The following RBFOX2 variants were observed in gnomAD, a reference collection of about 807,000 sequenced individuals.
RBFOX2 encodes the protein RNA binding protein fox-1 homolog 2.
Under a neutral mutation model 49.1 loss-of-function variants are expected in RBFOX2, and 10 were observed. The observed-to-expected ratio is 0.20, with a 90% confidence interval of 0.13 to 0.35. The LOEUF (loss-of-function observed/expected upper bound fraction) is 0.35. Among genes scored for constraint, RBFOX2 ranks in the 10% least tolerant of loss-of-function variants. RBFOX2 has a pLI of 1.00. For synonymous variants in RBFOX2, 183 were observed against 187.4 expected (o/e 0.98, Z 0.19); for missense variants, 323 against 486.9 (o/e 0.66, Z 3.17).
intron 2 of RBFOX2, among the ~76,000 whole-genome samples, chr22:35,801,604 C>T (rs752629717): frequency 2.0e-5 from 3 of 152,106 alleles, no homozygotes; most frequent in Non-Finnish European, 4.4e-5. Context: ...GTGGGTGGAT[C>T]ACTTGAGGTC....
intron 1 of RBFOX2, among the ~76,000 whole-genome samples, chr22:35,986,297 A>G (rs2057722937): frequency 6.6e-6 from 1 of 152,188 alleles, no homozygotes; most frequent in African/African-American, 2.4e-5. Flanking sequence ...TATGAACAGC[A>G]GGATGAGGAA....
At chr22:35,765,365 A>C in intron 6 of RBFOX2, 58 bp downstream of exon 7, 1 of 1,268,536 alleles carries the variant, frequency 7.9e-7, no homozygotes, top group South Asian at 1.4e-5. Context: ...AGAAGTTTAT[A>C]AAAACTTCAT....
At chr22:35,926,256 G>GGTA (rs1171693535) in intron 1 of RBFOX2, among the ~76,000 whole-genome samples, 1 of 152,140 alleles carries the variant, frequency 6.6e-6, no homozygotes, top group Non-Finnish European at 1.5e-5. Flanking sequence ...TCGATTGCTT[G>GGTA]GTAGTACTAA....
chr22:35,938,564 G>A (rs1270578683), intron 1 of RBFOX2, among the ~76,000 whole-genome samples: 3 of 152,074 alleles, frequency 2.0e-5, no homozygotes, highest in East Asian at 3.9e-4. Context: ...AAGAAAACCA[G>A]GTCAAAAAAT....
chr22:35,795,628 C>CAAAAA (rs139555281), intron 2 of RBFOX2, among the ~76,000 whole-genome samples: 5 of 33,570 alleles, frequency 1.5e-4, no homozygotes, highest in African/African-American at 1.1e-4. Context: ...TGTAGAAAAG[C>CAAAAA]AAAAAAAAAA....
At chr22:35,880,084 A>C (rs956166950) in intron 1 of RBFOX2, among the ~76,000 whole-genome samples, 1 of 152,052 alleles carries the variant, frequency 6.6e-6, no homozygotes, top group Non-Finnish European at 1.5e-5. Flanking sequence ...TGAACCTGAG[A>C]GGCGGAGGTT....
intron 1 of RBFOX2, among the ~76,000 whole-genome samples, chr22:35,831,735 C>A (rs1224262854): frequency 6.6e-6 from 1 of 152,212 alleles, no homozygotes; most frequent in Non-Finnish European, 1.5e-5. Flanking sequence ...ATCTCCTTCA[C>A]TTAAGTCCCA....
At chr22:35,992,888 C>G (rs978927753) in intron 1 of RBFOX2, 28 of 152,112 alleles carry the variant, frequency 1.8e-4, no homozygotes, top group African/African-American at 6.5e-4. Flanking sequence ...AAATGAACTC[C>G]CCTCCCTTTC....
intron 1 of RBFOX2, among the ~76,000 whole-genome samples, chr22:35,885,176 T>C (rs1603436113): frequency 6.6e-6 from 1 of 152,112 alleles, no homozygotes; most frequent in Non-Finnish European, 1.5e-5. Context: ...TACTTAAATA[T>C]AGCAGAGGAG....
At chr22:35,756,397 T>TA (rs998748146) in intron 9 of RBFOX2, among the ~76,000 whole-genome samples, 5 of 152,112 alleles carry the variant, frequency 3.3e-5, no homozygotes, top group African/African-American at 1.2e-4. Flanking sequence ...ATTTGGTAAT[T>TA]AAAGTAGGAT....
intron 4 of RBFOX2, among the ~76,000 whole-genome samples, chr22:35,773,573 A>G (rs2146849720): frequency 6.6e-6 from 1 of 152,072 alleles, no homozygotes; most frequent in South Asian, 2.1e-4. Context: ...TTTAAAAAAG[A>G]AAAAAAATTG....
chr22:35,786,542 C>A (rs1946431852), intron 2 of RBFOX2, among the ~76,000 whole-genome samples: 1 of 152,192 alleles, frequency 6.6e-6, no homozygotes, highest in South Asian at 2.1e-4. Context: ...CCTGGGGGGC[C>A]CCCACCAGTC....
intron 8 of RBFOX2, 136 bp downstream of exon 9, chr22:35,761,066 C>T: frequency 1.4e-6 from 1 of 712,774 alleles, no homozygotes; most frequent in East Asian, 2.7e-5. Context: ...CAGGACAGGG[C>T]ACTGGGATAG....
chr22:35,966,671 T>G (rs1031713293), intron 1 of RBFOX2, among the ~76,000 whole-genome samples: 1 of 152,226 alleles, frequency 6.6e-6, no homozygotes, highest in African/African-American at 2.4e-5. Flanking sequence ...ACTGGGTTGT[T>G]CAAAAGATTC....
At chr22:35,864,645 C>G (rs941382259) in intron 1 of RBFOX2, among the ~76,000 whole-genome samples, 2 of 152,148 alleles carry the variant, frequency 1.3e-5, no homozygotes, top group Non-Finnish European at 2.9e-5. Context: ...GACAATTATC[C>G]TTTGAGAAAT....
intron 9 of RBFOX2, among the ~76,000 whole-genome samples, chr22:35,758,525 T>A (rs532926330): frequency 6.6e-6 from 1 of 152,338 alleles, no homozygotes; most frequent in African/African-American, 2.4e-5. Flanking sequence ...TTCATTTGAG[T>A]ATTTCTTGAT....
At chr22:35,910,591 T>C (rs2049699307) in intron 1 of RBFOX2, among the ~76,000 whole-genome samples, 1 of 152,236 alleles carries the variant, frequency 6.6e-6, no homozygotes, top group Non-Finnish European at 1.5e-5. Context: ...TCCATTTCTA[T>C]ACCTTTCTGT....
chr22:35,755,013 A>G (rs886747336), intron 9 of RBFOX2, among the ~76,000 whole-genome samples: 1 of 152,086 alleles, frequency 6.6e-6, no homozygotes, highest in Non-Finnish European at 1.5e-5. Context: ...AAAACGCAAA[A>G]CCTCTGAGTG....
chr22:35,876,464 A>G (rs1320297976), intron 1 of RBFOX2, among the ~76,000 whole-genome samples: 1 of 152,000 alleles, frequency 6.6e-6, no homozygotes, highest in Non-Finnish European at 1.5e-5. Context: ...TTTCCTTGTA[A>G]CGTTTATTAA....
Sources: allele counts gnomAD v4.1 joint callset (sites outside exome capture counted in the v4.1 genomes callset), GRCh38; gene constraint gnomAD v4.1.1; transcripts MANE v1.5; gene names NCBI Gene and HGNC (gene_info 2026-07-23, HGNC 2026-07-21).